The following SUPT16H variants were observed in gnomAD, a reference collection of about 807,000 sequenced individuals.
SUPT16H encodes the protein SPT16 homolog, facilitates chromatin remodeling subunit.
A neutral mutation model predicts 136.2 loss-of-function variants in SUPT16H; 24 were observed. The ratio of observed to expected loss-of-function variants is 0.18; its 90% CI spans 0.13 to 0.25. The LOEUF is 0.25. Ranked by LOEUF, SUPT16H falls within the 10% of genes least tolerant of loss-of-function variation. The probability of loss-of-function intolerance (pLI) is 1.00; values close to 1 mark genes in which losing one functional copy is unlikely to be tolerated. For missense variants in SUPT16H, 623 were observed against 1,270.2 expected, an observed-to-expected ratio of 0.49 and a Z score of 7.74; for synonymous variants, 415 against 428.2, an observed-to-expected ratio of 0.97 and a Z score of 0.38.
intron 1 of SUPT16H, among the ~76,000 whole-genome samples, chr14:21,380,644 T>C (rs565121342): frequency 6.6e-6 from 1 of 152,264 alleles, no homozygotes; most frequent in South Asian, 2.1e-4. Flanking sequence ...AGTTGGTGTA[T>C]GCTCACAAGA....
At chr14:21,364,799 GA>G (rs1886630378) in intron 10 of SUPT16H, 27 bp downstream of exon 10, 1 of 1,594,664 alleles carries the variant, frequency 6.3e-7, no homozygotes, top group African/African-American at 1.3e-5. Context: ...AGTTCATGAA[GA>G]CTCCAAAGTT....
chr14:21,357,328 G>T lies in SUPT16H; in HGVS notation c.2529C>A (p.Ile843=), dbSNP rs563235427. 6.2e-6 allele frequency: 10 copies of T among 1,612,660 alleles called. No homozygotes were observed. The African/African-American group carries it at 1.1e-4, about 17-fold the overall frequency. The change falls in exon 22 of 26, where the codon ATC becomes ATA. Residue 843 remains isoleucine (I), a synonymous_variant. Coordinates refer to ENST00000216297, the MANE Select transcript of SUPT16H (RefSeq NM_007192.4). ...FVVTLDEVEL[I]HFERVQFHLK... is the part of the protein sequence containing the mutation. ...GGTGAAACTGGACCCGCTCAAAGTGGATCAGCTCTACCTCATCCAATGTCA... is the reference window on the plus strand; with the variant it reads ...GGTGAAACTGGACCCGCTCAAAGTGTATCAGCTCTACCTCATCCAATGTCA...
At chr14:21,368,896 TAACAG>T (rs1453050409) in intron 6 of SUPT16H, among the ~76,000 whole-genome samples, 1 of 152,024 alleles carries the variant, frequency 6.6e-6, no homozygotes, top group African/African-American at 2.4e-5. Flanking sequence ...AAAAAATAGA[TAACAG>T]AGACTGGTAA....
intron 1 of SUPT16H, among the ~76,000 whole-genome samples, chr14:21,374,242 T>C (rs1431151823): frequency 1.3e-5 from 2 of 152,248 alleles, no homozygotes; most frequent in Admixed American, 6.5e-5. Context: ...GAAGGCCACA[T>C]ATCTGAGGTT....
At chr14:21,374,753 T>C (rs982229989) in intron 1 of SUPT16H, among the ~76,000 whole-genome samples, 1 of 152,242 alleles carries the variant, frequency 6.6e-6, no homozygotes, top group Non-Finnish European at 1.5e-5. Flanking sequence ...TTTCACTTTC[T>C]GGCTATTGTA....
Position 21,383,960 on chromosome 14 carries a change from G to A in SUPT16H, c.-33C>T, listed in dbSNP as rs1312163919. On this transcript the variant is annotated 5_prime_UTR_variant, in exon 1 of 26. Coordinates refer to ENST00000216297, the MANE Select transcript of SUPT16H (RefSeq NM_007192.4). ...GACGCCGCTTCTCCTCGGGTTCCGA[G>A]AATCACGCGAGGTCCCGGCTCAGCC... 2 of 1,612,058 alleles carry A rather than the reference G, an allele frequency of 1.2e-6. No individual in the cohort carries two copies. Among genetic ancestry groups the A allele is most frequent in the African/African-American group, 1.3e-5 (1 of 75,002 alleles).
In SUPT16H at chr14:21,360,322, C is replaced by G. The variant is rs546695492; in HGVS notation, c.2175+93G>C. ...GGATTGTGGGCATGAGCCACCGCGCCCAGCCCTTTCATCACTATTTTATAG... is the reference window on the plus strand; with the variant it reads ...GGATTGTGGGCATGAGCCACCGCGCGCAGCCCTTTCATCACTATTTTATAG... On this transcript the variant is annotated intron_variant, in intron 18 of 25. Coordinates refer to ENST00000216297, the MANE Select transcript of SUPT16H (RefSeq NM_007192.4). 7 of 1,044,090 alleles carry G rather than the reference C, an allele frequency of 6.7e-6. No individual in the cohort carries two copies. The South Asian group carries it at 1.1e-4, about 16-fold the overall frequency. 64.7% of individuals were successfully genotyped at this position (1,044,090 alleles called of 1,614,324 possible).
chr14:21,370,963 G>C (rs1167090812), intron 3 of SUPT16H, among the ~76,000 whole-genome samples: 1 of 152,010 alleles, frequency 6.6e-6, no homozygotes, highest in African/African-American at 2.4e-5. Flanking sequence ...TTTTAGTAGA[G>C]ATGGGGTTTT....
chr14:21,374,963 G>C (rs1443963039), intron 1 of SUPT16H, among the ~76,000 whole-genome samples: 1 of 152,046 alleles, frequency 6.6e-6, no homozygotes, highest in Non-Finnish European at 1.5e-5. Flanking sequence ...TTAACCAACA[G>C]TTTTTATGTC....
At chr14:21,361,476 C>A in intron 15 of SUPT16H, 1 of 491,484 alleles carries the variant, frequency 2.0e-6, no homozygotes, top group Non-Finnish European at 3.7e-6. Flanking sequence ...ACCACCATGC[C>A]CGGCTAGTTT....
chr14:21,361,289 A>C, intron 15 of SUPT16H, 76 bp from the exon 16 acceptor site: 1 of 1,417,258 alleles, frequency 7.1e-7, no homozygotes, highest in Non-Finnish European at 9.9e-7. Context: ...TTTATCTTCT[A>C]AGCAGCTTAA....
chr14:21,353,475 C>A lies in SUPT16H; in HGVS notation c.2998+13G>T, dbSNP rs759210362. 1.2e-6 allele frequency: 2 copies of A among 1,611,214 alleles called. No homozygotes were observed. The highest frequency in any genetic ancestry group is 2.7e-5 in the African/African-American group (2 of 74,794). On this transcript the variant is annotated intron_variant, in intron 25 of 25. Transcript: ENST00000216297. The stretch of plus-strand genomic sequence containing the variant: ...GTAGACAAATGAATAAAAAACAACA[C>A]ATTTTTAAAAACCTTTTCGGGCTTC...
intron 21 of SUPT16H, 33 bp from the exon 22 acceptor site, chr14:21,357,399 A>T: frequency 6.6e-7 from 1 of 1,524,132 alleles, no homozygotes; most frequent in South Asian, 1.3e-5. Flanking sequence ...TTAGCATATA[A>T]GTATTTCCCC....
intron 7 of SUPT16H, among the ~76,000 whole-genome samples, chr14:21,367,209 G>A (rs1354269670): frequency 6.6e-6 from 1 of 152,178 alleles, no homozygotes; most frequent in Non-Finnish European, 1.5e-5. Flanking sequence ...GGGATCACAG[G>A]CTTGAGCCAC....
chr14:21,363,345 A>T lies in SUPT16H; in HGVS notation c.1300-17T>A. 1 of 1,598,100 alleles carries T rather than the reference A, an allele frequency of 6.3e-7. No homozygotes were observed. The highest frequency in any genetic ancestry group is 8.5e-7 in the Non-Finnish European group (1 of 1,170,622). Reference sequence around the variant, plus strand: ...ATCTTCATTCTATGGAAAAAGTCATAATCAAAAAATGAAATTTTAATTATT... The same window carrying T: ...ATCTTCATTCTATGGAAAAAGTCATTATCAAAAAATGAAATTTTAATTATT... On this transcript the variant is annotated splice_polypyrimidine_tract_variant and intron_variant, in intron 11 of 25. Transcript: ENST00000216297.
At chr14:21,362,998 C>A in intron 13 of SUPT16H, 36 bp downstream of exon 13, 1 of 1,613,846 alleles carries the variant, frequency 6.2e-7, no homozygotes, top group Non-Finnish European at 8.5e-7. Context: ...CCCACAGAAC[C>A]CTCAGATGAT....
At chr14:21,372,744 T>C (rs1344913307) in intron 2 of SUPT16H, 4 of 424,920 alleles carry the variant, frequency 9.4e-6, no homozygotes, top group South Asian at 1.7e-5. Flanking sequence ...GAATATTTTG[T>C]TTAACTCACT....
intron 17 of SUPT16H, 79 bp from the exon 18 acceptor site, chr14:21,360,612 G>A: frequency 7.5e-7 from 1 of 1,340,220 alleles, no homozygotes; most frequent in Non-Finnish European, 1.1e-6. Flanking sequence ...TGGCTGATTT[G>A]CACAGGGTCA....
intron 1 of SUPT16H, among the ~76,000 whole-genome samples, chr14:21,381,703 G>A (rs1165316401): frequency 6.6e-6 from 1 of 151,434 alleles, no homozygotes; most frequent in African/African-American, 2.4e-5. Context: ...TCAAACTCCT[G>A]GGCTCAAGGG....
Sources: gnomAD v4.1 joint callset for allele counts (sites outside exome capture counted in the v4.1 genomes callset) on GRCh38, gnomAD v4.1.1 for gene constraint, MANE v1.5 for transcripts, NCBI Gene and HGNC (gene_info 2026-07-23, HGNC 2026-07-21) for gene names.